The following MAST2 variants were observed in gnomAD, a reference collection of about 807,000 sequenced individuals.
MAST2 encodes microtubule associated serine/threonine kinase 2.
Under a neutral mutation model 147.4 loss-of-function variants are expected in MAST2, and 70 were observed. The ratio of observed to expected loss-of-function variants is 0.47; its 90% confidence interval spans 0.39 to 0.58. MAST2 has a LOEUF of 0.58. Among genes scored for constraint, MAST2 ranks in the 20% least tolerant of loss-of-function variants. The probability of loss-of-function intolerance (pLI) is 0.00; values close to 1 mark genes in which losing one functional copy is unlikely to be tolerated. For synonymous variants in MAST2, 869 were observed against 896.8 expected (o/e 0.97, Z 0.55); for missense variants, 2,080 against 2,302.3 (o/e 0.90, Z 1.98).
intron 4 of MAST2, among the ~76,000 whole-genome samples, chr1:45,899,307 CTTTTTTTTTT>C (rs770069959): frequency 1.9e-4 from 20 of 108,026 alleles, no homozygotes; most frequent in Admixed American, 1.6e-3. Context: ...CCTTTCTTTT[CTTTTTTTTTT>C]TTTTTTTTTT....
In MAST2 at chr1:46,029,572, G is replaced by C. The variant is rs1646552859; in HGVS notation, c.2320+5G>C. 6.2e-7 allele frequency: 1 copy of C among 1,612,506 alleles called. No individual in the cohort carries two copies. Among genetic ancestry groups the C allele is most frequent in the Non-Finnish European group, 8.5e-7 (1 of 1,179,268 alleles). ...CTCTGGAGAGACTTGGCACAGGTAG[G>C]GCAGGCCCTGCTAACTTTTCTCACT... is the stretch of plus-strand genomic sequence containing the variant. On this transcript the variant is annotated splice_donor_5th_base_variant and intron_variant, in intron 19 of 28. Transcript: ENST00000361297.
intron 3 of MAST2, among the ~76,000 whole-genome samples, chr1:45,873,586 G>A (rs1185855291): frequency 6.6e-6 from 1 of 152,112 alleles, no homozygotes; most frequent in African/African-American, 2.4e-5. Flanking sequence ...TTGTGAGAAA[G>A]GCAGAGTAGG....
intron 4 of MAST2, among the ~76,000 whole-genome samples, chr1:45,925,862 C>A (rs1226597773): frequency 6.6e-6 from 1 of 152,204 alleles, no homozygotes; most frequent in Non-Finnish European, 1.5e-5. Flanking sequence ...TCCAGTGGTA[C>A]CAATTTAGTT....
Position 46,029,811 on chromosome 1 carries a change from C to T in MAST2, c.2321-20C>T, listed in dbSNP as rs541228490. On this transcript the variant is annotated intron_variant, in intron 19 of 28. Coordinates refer to ENST00000361297, the MANE Select transcript of MAST2 (RefSeq NM_015112.3). Reference sequence around the variant, plus strand: ...ATGCTGCTCATCCTACCCCCTTGCCCATGTCCTCCCTGTCCACAGGCAGTG... The same window carrying T: ...ATGCTGCTCATCCTACCCCCTTGCCTATGTCCTCCCTGTCCACAGGCAGTG... 236 of 1,613,248 alleles carry T rather than the reference C, an allele frequency of 1.5e-4. 3 individuals are homozygous for T. The South Asian group carries it at 2.3e-3, about 16-fold the overall frequency.
intron 6 of MAST2, among the ~76,000 whole-genome samples, chr1:45,998,572 T>C (rs1237473276): frequency 6.6e-6 from 1 of 152,164 alleles, no homozygotes; most frequent in Non-Finnish European, 1.5e-5. Flanking sequence ...AGAGTTTATA[T>C]TTATTTTATT....
chr1:45,870,003 A>G (rs1232613856), intron 3 of MAST2, among the ~76,000 whole-genome samples: 1 of 152,154 alleles, frequency 6.6e-6, no homozygotes, highest in African/African-American at 2.4e-5. Context: ...GGCTCACTGC[A>G]ACCTCCGCCT....
Position 45,834,886 on chromosome 1 carries a change from A to G in MAST2, c.468+5305A>G, listed in dbSNP as rs553128879. Among the ~76,000 whole-genome samples the G allele has an allele frequency of 3.3e-5, 5 of 149,690 alleles. No homozygotes were observed. The East Asian group carries it at 9.8e-4, about 29-fold the overall frequency. On this transcript the variant is annotated intron_variant, in intron 3 of 28. Transcript: ENST00000361297. ...GTATCACCATTCTAAGACTCACCCT[A>G]CCTGTCTACTGTCTTTCCATCCGCC...
chr1:45,874,709 C>T (rs1646527931), intron 3 of MAST2, among the ~76,000 whole-genome samples: 1 of 152,072 alleles, frequency 6.6e-6, no homozygotes, highest in Non-Finnish European at 1.5e-5. Flanking sequence ...CTGCTGGGTG[C>T]CAGGAATGTC....
intron 2 of MAST2, among the ~76,000 whole-genome samples, chr1:45,827,030 A>AGC (rs1392075585): frequency 9.2e-5 from 14 of 151,836 alleles, no homozygotes; most frequent in African/African-American, 3.4e-4. Context: ...GGGTTTCACT[A>AGC]TGTTGGCCAG....
intron 3 of MAST2, among the ~76,000 whole-genome samples, chr1:45,862,053 T>C (rs183557258): frequency 6.6e-6 from 1 of 152,368 alleles, no homozygotes; most frequent in East Asian, 1.9e-4. Flanking sequence ...TTTAATCAGT[T>C]ACTACAAATA....
chr1:45,855,685 G>A (rs765599782), intron 3 of MAST2, among the ~76,000 whole-genome samples: 1 of 151,880 alleles, frequency 6.6e-6, no homozygotes, highest in African/African-American at 2.4e-5. Flanking sequence ...AAATATGGTT[G>A]GTTTTCGTGT....
chr1:45,846,140 A>T (rs1253634172), intron 3 of MAST2, among the ~76,000 whole-genome samples: 1 of 151,844 alleles, frequency 6.6e-6, no homozygotes, highest in Admixed American at 6.6e-5. Flanking sequence ...TAACCATTTA[A>T]CTCTGGTTCA....
intron 16 of MAST2, among the ~76,000 whole-genome samples, chr1:46,026,870 TCTA>T (rs781068572): frequency 5.7e-4 from 86 of 152,194 alleles, no homozygotes; most frequent in Non-Finnish European, 9.0e-4. Flanking sequence ...TGAGTTTGAG[TCTA>T]CTAATTAAAG....
intron 4 of MAST2, chr1:45,917,344 C>CTA: frequency 7.3e-7 from 1 of 1,365,962 alleles, no homozygotes; most frequent in South Asian, 1.1e-5. Context: ...GTCAGAATCT[C>CTA]TACCCTTTGC....
At chr1:45,961,763 C>CT (rs201687465) in intron 5 of MAST2, among the ~76,000 whole-genome samples, 29 of 151,264 alleles carry the variant, frequency 1.9e-4, no homozygotes, top group African/African-American at 4.6e-4. Context: ...ATCCTCAAAT[C>CT]TTTTTTTTTA....
intron 4 of MAST2, among the ~76,000 whole-genome samples, chr1:45,898,998 A>G (rs1649248125): frequency 6.6e-6 from 1 of 152,164 alleles, no homozygotes. Flanking sequence ...TAGCCAAGCC[A>G]TTGGTTACAT....
rs751499367 is a variant in MAST2, at chr1:45,959,422, C to T, written c.537C>T (p.Thr179=). The change falls in exon 5 of 29, where the codon ACC becomes ACT. Residue 179 remains threonine (T), a synonymous_variant. Transcript: ENST00000361297. ...RTSNRKSLIV[T]SSTSPTLPRP... Reference sequence around the variant, plus strand: ...GTAACCGCAAGAGCTTGATTGTGACCTCTAGCACATCACCTACACTACCAC... The same window carrying T: ...GTAACCGCAAGAGCTTGATTGTGACTTCTAGCACATCACCTACACTACCAC... 5 of 1,613,676 alleles carry T rather than the reference C, an allele frequency of 3.1e-6. No homozygotes were observed. The highest frequency in any genetic ancestry group is 1.7e-5 in the Admixed American group (1 of 59,952).
intron 16 of MAST2, 104 bp downstream of exon 16, chr1:46,025,919 G>T: frequency 7.0e-7 from 1 of 1,428,538 alleles, no homozygotes; most frequent in South Asian, 1.2e-5. Context: ...TGGCTACCGG[G>T]AAAACATGCT....
intron 8 of MAST2, among the ~76,000 whole-genome samples, 192 bp from the exon 9 acceptor site, chr1:46,008,104 G>A (rs905390639): frequency 1.3e-5 from 2 of 152,046 alleles, no homozygotes. Flanking sequence ...GCTCCATATA[G>A]TACCATTTTG....
Sources: gnomAD v4.1 joint callset for allele counts (sites outside exome capture counted in the v4.1 genomes callset) on GRCh38, gnomAD v4.1.1 for gene constraint, MANE v1.5 for transcripts, NCBI Gene and HGNC (gene_info 2026-07-23, HGNC 2026-07-21) for gene names.